Variants in RELN observed in about 807,000 individuals in gnomAD.
RELN encodes reelin.
Under a neutral mutation model 427.6 loss-of-function variants are expected in RELN, and 108 were observed. That is an observed-to-expected ratio of 0.25 (90% CI 0.22 to 0.30). The LOEUF (loss-of-function observed/expected upper bound fraction) is 0.30. Among genes scored for constraint, RELN ranks in the 10% least tolerant of loss-of-function variants. RELN has a pLI of 1.00. For missense variants in RELN, 3,715 were observed against 4,302.8 expected (o/e 0.86, Z 3.82); for synonymous variants, 1,524 against 1,513.4 (o/e 1.01, Z -0.16).
intron 2 of RELN, among the ~76,000 whole-genome samples, chr7:103,842,118 T>C (rs1793565877): frequency 6.6e-6 from 1 of 152,194 alleles, no homozygotes; most frequent in East Asian, 1.9e-4. Context: ...TTTCAGGAAG[T>C]TTAGCAAAGT....
At chr7:103,920,580 T>G (rs1302060557) in intron 1 of RELN, among the ~76,000 whole-genome samples, 3 of 52,694 alleles carry the variant, frequency 5.7e-5, no homozygotes, top group East Asian at 1.1e-3. Context: ...TTTTTTTTTG[T>G]TTTTTTTTTT....
chr7:103,762,121 G>A (rs1791317076), intron 4 of RELN, among the ~76,000 whole-genome samples: 1 of 152,154 alleles, frequency 6.6e-6, no homozygotes, highest in South Asian at 2.1e-4. Flanking sequence ...CATATGAGGT[G>A]AGCAGAAGTG....
intron 4 of RELN, among the ~76,000 whole-genome samples, chr7:103,770,461 C>A (rs1268668450): frequency 6.6e-6 from 1 of 152,118 alleles, no homozygotes; most frequent in Non-Finnish European, 1.5e-5. Context: ...CATGGTTTGC[C>A]TTCTCCCACA....
intron 43 of RELN, among the ~76,000 whole-genome samples, chr7:103,541,767 C>T (rs887168715): frequency 1.3e-5 from 2 of 152,104 alleles, no homozygotes; most frequent in Non-Finnish European, 2.9e-5. Flanking sequence ...AATTAGAGAA[C>T]TCAGCTGCTA....
At chr7:103,579,039 C>A (rs368773546) in intron 28 of RELN, among the ~76,000 whole-genome samples, 1 of 152,198 alleles carries the variant, frequency 6.6e-6, no homozygotes, top group African/African-American at 2.4e-5. Context: ...ATCTACAGCA[C>A]GCTAGGCACA....
intron 6 of RELN, among the ~76,000 whole-genome samples, chr7:103,737,523 T>C (rs1408065081): frequency 6.6e-6 from 1 of 152,214 alleles, no homozygotes; most frequent in Admixed American, 6.5e-5. Context: ...TACTGCTTGT[T>C]TGACTTCTTT....
intron 44 of RELN, among the ~76,000 whole-genome samples, chr7:103,539,837 G>A (rs1287992522): frequency 2.0e-5 from 3 of 152,186 alleles, no homozygotes; most frequent in Non-Finnish European, 2.9e-5. Flanking sequence ...AGGCAAGAAA[G>A]AGGATTTGGG....
chr7:103,781,541 C>T (rs1791890407), intron 3 of RELN, among the ~76,000 whole-genome samples: 1 of 152,070 alleles, frequency 6.6e-6, no homozygotes, highest in Non-Finnish European at 1.5e-5. Flanking sequence ...GATCCACATC[C>T]ACTCTTTTAG....
intron 18 of RELN, among the ~76,000 whole-genome samples, chr7:103,635,986 C>A (rs1229565606): frequency 6.6e-6 from 1 of 152,134 alleles, no homozygotes; most frequent in Non-Finnish European, 1.5e-5. Context: ...GGCTTAAGAA[C>A]ATAGTTTTGA....
At chr7:103,879,222 C>T (rs954101763) in intron 2 of RELN, among the ~76,000 whole-genome samples, 1 of 152,172 alleles carries the variant, frequency 6.6e-6, no homozygotes, top group Non-Finnish European at 1.5e-5. Flanking sequence ...AATTTTTACA[C>T]AGATTATATC....
intron 1 of RELN, 33 bp from the exon 2 acceptor site, chr7:103,917,218 A>G (rs765712927): frequency 7.6e-6 from 11 of 1,447,964 alleles, no homozygotes; most frequent in Non-Finnish European, 1.1e-5. Flanking sequence ...AAAACTCTCA[A>G]TACAGTCAGA....
Position 103,566,728 on chromosome 7 carries a change from C to A in RELN, c.4620G>T (p.Gly1540=). The A allele has an allele frequency of 1.9e-6, 3 of 1,614,048 alleles. No homozygotes were observed. Among genetic ancestry groups the A allele is most frequent in the Non-Finnish European group, 2.5e-6 (3 of 1,179,906 alleles). ...ACTCTCGAAGCAAATGCCAGAGTAT[C>A]CCATTGTCATTTGAATACTGAACAA... ...GLIVQYSNDN[G]ILWHLLRELD... The change falls in exon 32 of 65, where the codon GGG becomes GGT. Residue 1540 remains glycine (G), a synonymous_variant. Coordinates refer to ENST00000428762, the MANE Select transcript of RELN (RefSeq NM_005045.4).
chr7:103,986,930 CTG>C (rs68023932), intron 1 of RELN, among the ~76,000 whole-genome samples: 3,460 of 148,924 alleles, frequency 0.023, 42 homozygotes, highest in Middle Eastern at 0.048. Flanking sequence ...CTAACAGAAG[CTG>C]TGTGTGTGTG....
chr7:103,629,701 T>C (rs184312875), intron 20 of RELN, among the ~76,000 whole-genome samples: 1 of 152,242 alleles, frequency 6.6e-6, no homozygotes, highest in East Asian at 1.9e-4. Flanking sequence ...AAATTTTATG[T>C]TTATTTAAAT....
At chr7:103,880,294 T>C (rs1431476284) in intron 2 of RELN, among the ~76,000 whole-genome samples, 1 of 152,128 alleles carries the variant, frequency 6.6e-6, no homozygotes, top group East Asian at 1.9e-4. Flanking sequence ...GTTTAAAACA[T>C]AGAATAGAAT....
intron 28 of RELN, among the ~76,000 whole-genome samples, chr7:103,580,964 A>G (rs1831117457): frequency 6.6e-6 from 1 of 152,210 alleles, no homozygotes; most frequent in Non-Finnish European, 1.5e-5. Context: ...TTTGGAAAGT[A>G]TGGAGGGAGG....
At chr7:103,725,576 A>G (rs145687530) in intron 7 of RELN, among the ~76,000 whole-genome samples, 1 of 152,204 alleles carries the variant, frequency 6.6e-6, no homozygotes, top group African/African-American at 2.4e-5. Flanking sequence ...TTAAAACATA[A>G]TAGTAATAAT....
chr7:103,676,631 G>C (rs1189050745), intron 11 of RELN, among the ~76,000 whole-genome samples: 1 of 152,106 alleles, frequency 6.6e-6, no homozygotes, highest in Non-Finnish European at 1.5e-5. Context: ...CAAAGACTTG[G>C]AACCAACCCA....
intron 2 of RELN, among the ~76,000 whole-genome samples, chr7:103,880,228 G>C (rs949218217): frequency 1.3e-5 from 2 of 151,816 alleles, no homozygotes; most frequent in African/African-American, 4.8e-5. Context: ...AAGTAAAAAA[G>C]CTTACACATT....
Sources: gnomAD v4.1 joint callset for allele counts (sites outside exome capture counted in the v4.1 genomes callset) on GRCh38, gnomAD v4.1.1 for gene constraint, MANE v1.5 for transcripts, NCBI Gene and HGNC (gene_info 2026-07-23, HGNC 2026-07-21) for gene names.